The following SEPTIN14 variants were observed in gnomAD, a reference collection of about 807,000 sequenced individuals.
SEPTIN14 encodes the protein septin-14.
In SEPTIN14, 40 loss-of-function variants were observed where a neutral mutation model predicts 53.6. The observed-to-expected ratio is 0.75, with a 90% CI of 0.58 to 0.97. The LOEUF is 0.97. Ranked by LOEUF, SEPTIN14 falls within the 50% of genes least tolerant of loss-of-function variation. The probability of loss-of-function intolerance (pLI) is 0.00; values close to 1 mark genes in which losing one functional copy is unlikely to be tolerated. For missense variants in SEPTIN14, 471 were observed against 508.2 expected (o/e 0.93, Z 0.70); for synonymous variants, 138 against 166.8 (o/e 0.83, Z 1.33).
At chr7:55,835,529 T>C (rs1238266795) in intron 5 of SEPTIN14, among the ~76,000 whole-genome samples, 2 of 152,130 alleles carry the variant, frequency 1.3e-5, no homozygotes, top group African/African-American at 4.8e-5. Flanking sequence ...ATTTTATTTC[T>C]TATTAAGCTG....
intron 2 of SEPTIN14, among the ~76,000 whole-genome samples, chr7:55,859,646 C>T (rs1485326458): frequency 1.3e-5 from 2 of 151,782 alleles, no homozygotes; most frequent in East Asian, 3.9e-4. Context: ...TTCTTTTATC[C>T]CTCTCTCCCT....
At chr7:55,849,649 G>T (rs550288773) in intron 2 of SEPTIN14, among the ~76,000 whole-genome samples, 20 of 151,960 alleles carry the variant, frequency 1.3e-4, no homozygotes, top group Non-Finnish European at 2.5e-4. Context: ...AGGAGGCTGA[G>T]GTAGGAGAAT....
chr7:55,833,052 C>T (rs142786679), intron 6 of SEPTIN14, among the ~76,000 whole-genome samples: 8 of 152,208 alleles, frequency 5.3e-5, no homozygotes, highest in African/African-American at 9.6e-5. Flanking sequence ...TGGTGGCTCA[C>T]GCCTGTAATC....
At chr7:55,821,288 A>G (rs1788889994) in intron 6 of SEPTIN14, among the ~76,000 whole-genome samples, 1 of 152,182 alleles carries the variant, frequency 6.6e-6, no homozygotes, top group Admixed American at 6.5e-5. Flanking sequence ...AGTAATCCAA[A>G]GAACCTCAGA....
chr7:55,837,021 T>G (rs941074333), intron 5 of SEPTIN14, among the ~76,000 whole-genome samples: 51 of 151,972 alleles, frequency 3.4e-4, no homozygotes, highest in South Asian at 1.5e-3. Context: ...TTGTTAGGGC[T>G]GAGTGCAGAA....
chr7:55,808,073 C>T (rs894460434), intron 7 of SEPTIN14, among the ~76,000 whole-genome samples: 1 of 151,988 alleles, frequency 6.6e-6, no homozygotes, highest in Non-Finnish European at 1.5e-5. Context: ...ACTTAGATAC[C>T]CTACTTTCAG....
At chr7:55,823,308 TG>T (rs1417112883) in intron 6 of SEPTIN14, among the ~76,000 whole-genome samples, 2 of 152,190 alleles carry the variant, frequency 1.3e-5, no homozygotes, top group Non-Finnish European at 2.9e-5. Flanking sequence ...CCAATCAGCA[TG>T]CACTCGCCTA....
At chr7:55,857,809 G>A (rs1404057786) in intron 2 of SEPTIN14, among the ~76,000 whole-genome samples, 2 of 150,788 alleles carry the variant, frequency 1.3e-5, no homozygotes, top group Non-Finnish European at 2.9e-5. Context: ...GGATGGTCTC[G>A]ATCTCCTGAC....
chr7:55,836,445 A>T (rs1053273854), intron 5 of SEPTIN14, among the ~76,000 whole-genome samples: 1 of 152,166 alleles, frequency 6.6e-6, no homozygotes, highest in African/African-American at 2.4e-5. Flanking sequence ...TTTTTTAAAA[A>T]ATCCATGGAC....
intron 5 of SEPTIN14, among the ~76,000 whole-genome samples, chr7:55,840,848 C>A (rs948069858): frequency 6.6e-6 from 1 of 151,966 alleles, no homozygotes; most frequent in Non-Finnish European, 1.5e-5. Context: ...TGATGTTGTT[C>A]CCATAATATT....
At chr7:55,826,380 G>T (rs189044566) in intron 6 of SEPTIN14, among the ~76,000 whole-genome samples, 142 of 152,302 alleles carry the variant, frequency 9.3e-4, no homozygotes, top group African/African-American at 3.2e-3. Flanking sequence ...GGGAGGCTGC[G>T]TAAGACTATC....
rs200755602 is a variant in SEPTIN14, at chr7:55,846,605, C to A, written c.87G>T (p.Thr29=). Residue 29 remains threonine, a synonymous_variant, in exon 3 of 10, where the codon ACG becomes ACT. Coordinates refer to ENST00000388975, the MANE Select transcript of SEPTIN14 (RefSeq NM_207366.3). The part of the protein sequence containing the change: ...QKENNIRCLT[T]IGHFGFECLP... ...AACATTCAAAACCAAAATGTCCAAT[C>A]GTAGTTAAACAACGAATATTATTTT... is the stretch of plus-strand genomic sequence containing the variant. 9.4e-5 allele frequency: 140 copies of A among 1,493,828 alleles called. No individual in the cohort carries two copies. Among genetic ancestry groups the A allele is most frequent in the Non-Finnish European group, 1.4e-5 (15 of 1,076,718 alleles). The allele number at this position is 1,493,828 out of a possible 1,614,324, so 92.5% of individuals were successfully genotyped here. A position where few individuals can be genotyped will look rare whatever the true frequency, so the allele number is the denominator to read the frequency against.
chr7:55,861,085 T>G (rs1789740350), intron 2 of SEPTIN14, among the ~76,000 whole-genome samples: 1 of 152,126 alleles, frequency 6.6e-6, no homozygotes, highest in Non-Finnish European at 1.5e-5. Flanking sequence ...TGTTTTAGAG[T>G]CATGTGAACA....
chr7:55,820,546 T>C (rs1246127515), intron 6 of SEPTIN14, among the ~76,000 whole-genome samples: 4 of 152,182 alleles, frequency 2.6e-5, no homozygotes, highest in Non-Finnish European at 5.9e-5. Flanking sequence ...TCCCATAGCA[T>C]AGATAACAGT....
chr7:55,810,921 AT>A, intron 7 of SEPTIN14: 1 of 372,072 alleles, frequency 2.7e-6, no homozygotes, highest in Non-Finnish European at 5.3e-6. Flanking sequence ...GGTAACAGTG[AT>A]AGCACAGCTT....
At chr7:55,835,803 C>T (rs1283931807) in intron 5 of SEPTIN14, among the ~76,000 whole-genome samples, 13 of 152,070 alleles carry the variant, frequency 8.5e-5, no homozygotes, top group African/African-American at 2.7e-4. Flanking sequence ...AGTGCAATGG[C>T]GCAATCTAGG....
intron 3 of SEPTIN14, 108 bp from the exon 4 acceptor site, chr7:55,844,826 G>C (rs1008105856): frequency 2.0e-6 from 1 of 494,780 alleles, no homozygotes; most frequent in African/African-American, 2.0e-5. Flanking sequence ...TGAACTCATA[G>C]AAGTAGAGAG....
At chr7:55,819,254 C>T in intron 6 of SEPTIN14, 31 bp from the exon 7 acceptor site, 1 of 1,379,234 alleles carries the variant, frequency 7.3e-7, no homozygotes. Flanking sequence ...GAATTGAATT[C>T]TCTAGCACCA....
In SEPTIN14 at chr7:55,834,561, T is replaced by C. The variant is rs1343343398; in HGVS notation, c.584A>G (p.Lys195Arg). 6.2e-7 allele frequency: 1 copy of C among 1,610,062 alleles called. No individual in the cohort carries two copies. The highest frequency in any genetic ancestry group is 2.2e-5 in the East Asian group (1 of 44,792). The change falls in exon 6 of 10, where the codon AAA becomes AGA. Residue 195 changes from lysine to arginine, a missense_variant. Transcript: ENST00000388975. ...SKVNIIPLIA[K>R]ADTISKNDLQ... ...ATCATTTTTAGAAATAGTGTCTGCT[T>C]TGGCAATCAGTGGTATAATATTCAC... is the stretch of plus-strand genomic sequence containing the variant.
Sources: allele counts gnomAD v4.1 joint callset (sites outside exome capture counted in the v4.1 genomes callset), GRCh38; gene constraint gnomAD v4.1.1; transcripts MANE v1.5; gene names NCBI Gene and HGNC (gene_info 2026-07-23, HGNC 2026-07-21).